The following PSME4 variants were observed in gnomAD, a reference collection of about 807,000 sequenced individuals.
PSME4 encodes proteasome activator subunit 4.
PSME4 carries 89 observed loss-of-function variants against 253.9 expected under a neutral mutation model. The ratio of observed to expected loss-of-function variants is 0.35; its 90% CI spans 0.30 to 0.42. The LOEUF (loss-of-function observed/expected upper bound fraction) is 0.42. Among genes scored for constraint, PSME4 ranks in the 10% least tolerant of loss-of-function variants. The pLI is 1.00. For missense variants in PSME4, 2,014 were observed against 2,195.2 expected (o/e 0.92, Z 1.65); for synonymous variants, 851 against 759.2 (o/e 1.12, Z -1.99).
intron 3 of PSME4, among the ~76,000 whole-genome samples, chr2:53,944,603 C>T (rs964513378): frequency 3.3e-5 from 5 of 152,060 alleles, no homozygotes; most frequent in African/African-American, 9.7e-5. Flanking sequence ...TAAATTTCAA[C>T]AAGTTTTAGG....
Position 53,925,942 on chromosome 2 carries a change from G to A in PSME4, c.1658+17C>T, listed in dbSNP as rs368078641. 103 of 1,603,396 alleles carry A rather than the reference G, an allele frequency of 6.4e-5. No homozygotes were observed. Among genetic ancestry groups the A allele is most frequent in the Non-Finnish European group, 8.7e-5 (102 of 1,170,926 alleles). ...TCTAGAATTTCAGCTAAACGTTGGTGTGGGTTACAAGCTCACCTGTCCATA... is the reference window on the plus strand; with the variant it reads ...TCTAGAATTTCAGCTAAACGTTGGTATGGGTTACAAGCTCACCTGTCCATA... On this transcript the variant is annotated intron_variant, in intron 13 of 46. Transcript: ENST00000404125.
chr2:53,885,239 G>C (rs989380295), intron 41 of PSME4, among the ~76,000 whole-genome samples: 1 of 152,154 alleles, frequency 6.6e-6, no homozygotes, highest in Admixed American at 6.5e-5. Context: ...TATCATACCA[G>C]AGGCAAATGA....
At chr2:53,915,471 C>T (rs1668016970) in intron 20 of PSME4, among the ~76,000 whole-genome samples, 1 of 151,800 alleles carries the variant, frequency 6.6e-6, no homozygotes, top group Non-Finnish European at 1.5e-5. Context: ...GTGGCTCACA[C>T]CTGTAATCCT....
intron 34 of PSME4, 43 bp from the exon 35 acceptor site, chr2:53,893,842 A>G (rs1218873406): frequency 1.3e-6 from 2 of 1,532,642 alleles, no homozygotes; most frequent in African/African-American, 2.8e-5. Context: ...TTTAAAATCC[A>G]CTTAAATACA....
intron 20 of PSME4, among the ~76,000 whole-genome samples, chr2:53,914,130 A>T (rs2104445862): frequency 1.3e-5 from 2 of 152,334 alleles, no homozygotes; most frequent in East Asian, 3.9e-4. Flanking sequence ...GGGGACACAA[A>T]ATAAAGGAAT....
In PSME4 at chr2:53,937,487, A is replaced by G; in HGVS notation, c.599T>C (p.Met200Thr). The G allele has an allele frequency of 6.2e-7, 1 of 1,611,758 alleles. No individual in the cohort carries two copies. The highest frequency in any genetic ancestry group is 8.5e-7 in the Non-Finnish European group (1 of 1,178,844). ...AEMLEEWRPL[M>T]CPFDVTMQKA... is the part of the protein sequence containing the mutation. ...TTGCATGGTTACATCAAAAGGGCACATTAAAGGTCGCCATTCTTCTAGCAT... is the reference window on the plus strand; with the variant it reads ...TTGCATGGTTACATCAAAAGGGCACGTTAAAGGTCGCCATTCTTCTAGCAT... Residue 200 changes from methionine to threonine, a missense_variant, in exon 5 of 47, where the codon ATG becomes ACG. Transcript: ENST00000404125.
At chr2:53,940,076 T>C (rs910410111) in intron 3 of PSME4, 76 bp from the exon 4 acceptor site, 6 of 1,114,410 alleles carry the variant, frequency 5.4e-6, no homozygotes, top group Admixed American at 2.3e-5. Context: ...TAAATATCTA[T>C]AAGATAACCT....
intron 12 of PSME4, 119 bp downstream of exon 12, chr2:53,927,275 T>C: frequency 1.4e-6 from 1 of 733,778 alleles, no homozygotes; most frequent in Non-Finnish European, 2.3e-6. Context: ...TATGTACCAT[T>C]CTAGTCACAA....
At chr2:53,884,478 G>C (rs1679547872) in intron 41 of PSME4, among the ~76,000 whole-genome samples, 1 of 151,058 alleles carries the variant, frequency 6.6e-6, no homozygotes, top group Non-Finnish European at 1.5e-5. Flanking sequence ...CAAAGTGCTG[G>C]CATTACAGGT....
At chr2:53,928,922 T>C (rs867217162) in intron 10 of PSME4, among the ~76,000 whole-genome samples, 48 of 152,074 alleles carry the variant, frequency 3.2e-4, no homozygotes, top group Admixed American at 9.2e-4. Flanking sequence ...CACTAGCACT[T>C]TGGGAGGCCA....
chr2:53,895,026 C>T lies in PSME4; in HGVS notation c.3893G>A (p.Ser1298Asn). Reference protein sequence around the residue: ...GVEEQPKLGRSREDMTEAEQI... With the variant: ...GVEEQPKLGRNREDMTEAEQI... ...GCTTACCTCTGTCATATCCTCCCTGCTTCTGCCAAGCTTAGGCTGCTCTTC... is the reference window on the plus strand; with the variant it reads ...GCTTACCTCTGTCATATCCTCCCTGTTTCTGCCAAGCTTAGGCTGCTCTTC... Residue 1298 changes from serine (S) to asparagine (N), a missense_variant, in exon 34 of 47, where the codon AGC becomes AAC. By Grantham distance (46) the Ser-to-Asn change is conservative. Around this residue, in one of 4 missense-constraint regions of PSME4, gnomAD observed 989 missense variants for 1,021.1 expected, o/e 0.97. Transcript: ENST00000404125. 1.2e-6 allele frequency: 2 copies of T among 1,613,098 alleles called. No homozygotes were observed. Among genetic ancestry groups the T allele is most frequent in the Non-Finnish European group, 1.7e-6 (2 of 1,179,776 alleles).
chr2:53,954,015 T>C (rs928295636), intron 1 of PSME4, among the ~76,000 whole-genome samples: 1 of 152,206 alleles, frequency 6.6e-6, no homozygotes, highest in African/African-American at 2.4e-5. Flanking sequence ...AATCAAATGA[T>C]TTAATTTTTA....
chr2:53,892,551 C>T (rs751872771), intron 36 of PSME4, among the ~76,000 whole-genome samples: 2 of 152,094 alleles, frequency 1.3e-5, no homozygotes, highest in Non-Finnish European at 2.9e-5. Context: ...TTTCAAGAAA[C>T]TGGAATTCTT....
chr2:53,901,249 G>A, intron 28 of PSME4, 101 bp downstream of exon 28: 1 of 1,093,730 alleles, frequency 9.1e-7, no homozygotes, highest in South Asian at 1.5e-5. Flanking sequence ...GGACTCAAAT[G>A]CCAAGAATAT....
At chr2:53,901,124 C>G (rs1680378996) in intron 28 of PSME4, among the ~76,000 whole-genome samples, 1 of 152,074 alleles carries the variant, frequency 6.6e-6, no homozygotes, top group African/African-American at 2.4e-5. Flanking sequence ...CTTTGTGGAG[C>G]CCTGGCTGTC....
intron 1 of PSME4, among the ~76,000 whole-genome samples, chr2:53,966,790 C>T (rs1450722827): frequency 1.3e-5 from 2 of 152,094 alleles, no homozygotes; most frequent in Admixed American, 1.3e-4. Flanking sequence ...ACCTCCACCT[C>T]CCAGATTCAA....
intron 3 of PSME4, among the ~76,000 whole-genome samples, chr2:53,944,182 G>C (rs1229282447): frequency 2.6e-5 from 4 of 151,742 alleles, no homozygotes; most frequent in Non-Finnish European, 5.9e-5. Context: ...TTTTGAGATG[G>C]GTGTCTGGCT....
intron 37 of PSME4, 37 bp downstream of exon 37, chr2:53,890,067 A>G: frequency 1.4e-6 from 2 of 1,432,438 alleles, no homozygotes; most frequent in Non-Finnish European, 2.0e-6. Context: ...CAGTTTGAAT[A>G]GATCAGTTAG....
chr2:53,932,493 T>C (rs1287436723), intron 9 of PSME4, among the ~76,000 whole-genome samples, 175 bp downstream of exon 9: 1 of 152,218 alleles, frequency 6.6e-6, no homozygotes, highest in Non-Finnish European at 1.5e-5. Context: ...ATCAATATTA[T>C]TTATTTAATT....
Sources: gnomAD v4.1 joint callset for allele counts (sites outside exome capture counted in the v4.1 genomes callset) on GRCh38, gnomAD v4.1.1 for gene constraint, gnomAD v4.1.1 regional missense constraint, MANE v1.5 for transcripts, NCBI Gene and HGNC (gene_info 2026-07-23, HGNC 2026-07-21) for gene names.